Variants in STAP1 observed in about 807,000 individuals in gnomAD.
The protein encoded by STAP1 is signal-transducing adaptor protein 1.
A neutral mutation model predicts 37.8 loss-of-function variants in STAP1; 30 were observed. The ratio of observed to expected loss-of-function variants is 0.79; its 90% CI spans 0.59 to 1.08. The LOEUF is 1.08. STAP1 is among the 50% of genes least tolerant of loss of function. The pLI, the probability that STAP1 is intolerant of heterozygous loss-of-function variation, is 0.00. For synonymous variants in STAP1, 130 were observed against 116.0 expected (o/e 1.12, Z -0.78); for missense variants, 357 against 349.4 (o/e 1.02, Z -0.17).
intron 8 of STAP1, among the ~76,000 whole-genome samples, chr4:67,598,201 T>C (rs1458502053): frequency 2.6e-5 from 4 of 152,168 alleles, no homozygotes; most frequent in African/African-American, 7.2e-5. Context: ...TTGCACTCTC[T>C]TTTTCTCTTG....
intron 8 of STAP1, among the ~76,000 whole-genome samples, chr4:67,605,989 G>A (rs1728441450): frequency 6.6e-6 from 1 of 152,068 alleles, no homozygotes; most frequent in South Asian, 2.1e-4. Context: ...AGCAATAATG[G>A]AACAAGAATG....
chr4:67,560,213 A>G (rs1453666257), intron 1 of STAP1, among the ~76,000 whole-genome samples: 2 of 119,514 alleles, frequency 1.7e-5, no homozygotes, highest in Non-Finnish European at 3.8e-5. Context: ...AGCAGAAAGA[A>G]TAAGAATTTT....
intron 1 of STAP1, among the ~76,000 whole-genome samples, chr4:67,560,850 CG>C (rs1395367291): frequency 6.6e-6 from 1 of 152,126 alleles, no homozygotes; most frequent in African/African-American, 2.4e-5. Context: ...GGTTTCATCA[CG>C]TTGTTCAGGT....
chr4:67,586,475 C>T (rs933403663), intron 6 of STAP1, among the ~76,000 whole-genome samples: 1 of 151,950 alleles, frequency 6.6e-6, no homozygotes, highest in Non-Finnish European at 1.5e-5. Flanking sequence ...AACAAACAAA[C>T]AAAAAAACTG....
At chr4:67,603,478 G>T (rs566405399) in intron 8 of STAP1, among the ~76,000 whole-genome samples, 2 of 152,196 alleles carry the variant, frequency 1.3e-5, no homozygotes, top group East Asian at 3.9e-4. Flanking sequence ...CTAGGAATGT[G>T]CTGGGTCATA....
chr4:67,573,525 T>A (rs1413846773), intron 2 of STAP1, among the ~76,000 whole-genome samples: 1 of 152,228 alleles, frequency 6.6e-6, no homozygotes, highest in Non-Finnish European at 1.5e-5. Flanking sequence ...CTCACTGAGC[T>A]TGATCTAGAC....
In STAP1 at chr4:67,606,313, G is replaced by A; in HGVS notation, c.844G>A (p.Glu282Lys). 6.2e-7 allele frequency: 1 copy of A among 1,612,466 alleles called. No individual in the cohort carries two copies. Among genetic ancestry groups the A allele is most frequent in the African/African-American group, 1.3e-5 (1 of 74,958 alleles). Residue 282 changes from glutamate to lysine, a missense_variant, in exon 9 of 9, where the codon GAA (glutamate) becomes AAA (lysine). Coordinates refer to ENST00000265404, the MANE Select transcript of STAP1 (RefSeq NM_012108.4). ...ATTTCTAGGTCAAGAACCCAGTATG[G>A]AAGGGAGAAGTGAAAAGTTGAAGAA... ...DENTGQEPSM[E>K]GRSEKLKKNP...
intron 2 of STAP1, among the ~76,000 whole-genome samples, chr4:67,575,120 C>T (rs1457934433): frequency 6.6e-6 from 1 of 152,024 alleles, no homozygotes; most frequent in East Asian, 1.9e-4. Flanking sequence ...TTATATAATT[C>T]GATTTTTAAA....
chr4:67,591,142 T>C (rs753840485), intron 7 of STAP1, among the ~76,000 whole-genome samples, 189 bp downstream of exon 7: 2 of 152,138 alleles, frequency 1.3e-5, no homozygotes, highest in African/African-American at 2.4e-5. Context: ...TTTCCACTTT[T>C]CTTTTTCTGC....
intron 1 of STAP1, among the ~76,000 whole-genome samples, chr4:67,562,628 CG>C (rs1727375371): frequency 6.8e-6 from 1 of 146,014 alleles, no homozygotes; most frequent in South Asian, 2.2e-4. Context: ...AAAAATTAGC[CG>C]GGCGAGGTGG....
chr4:67,599,867 C>T (rs1311111816), intron 8 of STAP1, among the ~76,000 whole-genome samples: 1 of 152,132 alleles, frequency 6.6e-6, no homozygotes, highest in South Asian at 2.1e-4. Flanking sequence ...GTCTCGAACT[C>T]CTGACCTCAA....
chr4:67,580,268 C>G (rs1727821543), intron 4 of STAP1, among the ~76,000 whole-genome samples: 1 of 152,052 alleles, frequency 6.6e-6, no homozygotes, highest in Admixed American at 6.6e-5. Flanking sequence ...GTATTTTCCC[C>G]CATTATTTCA....
At chr4:67,580,954 G>GA (rs1247297015) in intron 4 of STAP1, among the ~76,000 whole-genome samples, 1 of 152,148 alleles carries the variant, frequency 6.6e-6, no homozygotes, top group East Asian at 1.9e-4. Flanking sequence ...AGGTGTTCTG[G>GA]AAAATCCCTG....
intron 8 of STAP1, among the ~76,000 whole-genome samples, chr4:67,598,388 T>C (rs1208645621): frequency 2.6e-5 from 4 of 152,194 alleles, no homozygotes; most frequent in African/African-American, 9.6e-5. Flanking sequence ...CTAATTTACA[T>C]TCCCACTAAC....
chr4:67,585,284 A>T (rs1156695123), intron 6 of STAP1, among the ~76,000 whole-genome samples: 1 of 152,206 alleles, frequency 6.6e-6, no homozygotes, highest in East Asian at 1.9e-4. Flanking sequence ...CTATCTACTA[A>T]TCCACCCCAT....
intron 8 of STAP1, among the ~76,000 whole-genome samples, chr4:67,596,122 G>C (rs1728218450): frequency 6.6e-6 from 1 of 150,926 alleles, no homozygotes; most frequent in Admixed American, 6.6e-5. Flanking sequence ...GTTGAGGTAG[G>C]GACCTGGTAG....
rs924454326 is a variant in STAP1 at position 67,589,488 on chromosome 4, G to A, written c.660-1396G>A. ...TTCAGTTTCAGTCCTAAATGAAAAC[G>A]GAAGGAGAAGCGATTTAAAAAAAGA... is the stretch of plus-strand genomic sequence containing the variant. On this transcript the variant is annotated intron_variant, in intron 6 of 8. Coordinates refer to ENST00000265404, the MANE Select transcript of STAP1 (RefSeq NM_012108.4). Among the ~76,000 whole-genome samples, 7 of 152,238 alleles carry A rather than the reference G, an allele frequency of 4.6e-5. No homozygotes were observed. The South Asian group carries it at 6.2e-4, about 14-fold the overall frequency.
At chr4:67,589,960 C>T (rs1728085672) in intron 6 of STAP1, among the ~76,000 whole-genome samples, 1 of 151,914 alleles carries the variant, frequency 6.6e-6, no homozygotes, top group African/African-American at 2.4e-5. Context: ...TGCCACCATG[C>T]CTGGCTAATT....
At chr4:67,591,328 TAATAGC>T (rs1393678639) in intron 7 of STAP1, among the ~76,000 whole-genome samples, 1 of 152,208 alleles carries the variant, frequency 6.6e-6, no homozygotes, top group Non-Finnish European at 1.5e-5. Flanking sequence ...AATCCTCTCT[TAATAGC>T]AACATAGTAG....
Sources: allele counts gnomAD v4.1 joint callset (sites outside exome capture counted in the v4.1 genomes callset), GRCh38; gene constraint gnomAD v4.1.1; transcripts MANE v1.5; gene names NCBI Gene and HGNC (gene_info 2026-07-23, HGNC 2026-07-21).